Variants in AP1M2 observed in about 807,000 individuals in gnomAD.
The protein encoded by AP1M2 is AP-1 complex subunit mu-2.
In AP1M2, 41 loss-of-function variants were observed where a neutral mutation model predicts 54.6. The observed-to-expected ratio is 0.75, with a 90% CI of 0.59 to 0.97. AP1M2 has a LOEUF of 0.97. AP1M2 is among the 50% of genes least tolerant of loss of function. The probability of loss-of-function intolerance (pLI) is 0.00; values close to 1 mark genes in which losing one functional copy is unlikely to be tolerated. For missense variants in AP1M2, 507 were observed against 561.2 expected (o/e 0.90, Z 0.98); for synonymous variants, 219 against 215.9 (o/e 1.01, Z -0.13).
At chr19:10,581,437 C>A in intron 5 of AP1M2, 45 bp from the exon 6 acceptor site, 1 of 1,610,168 alleles carries the variant, frequency 6.2e-7, no homozygotes, top group Non-Finnish European at 8.5e-7. Context: ...CAAACTCCGT[C>A]TCCTGCAGCC....
intron 11 of AP1M2, 45 bp from the exon 12 acceptor site, chr19:10,573,133 G>A: frequency 2.0e-6 from 3 of 1,532,184 alleles, no homozygotes; most frequent in Non-Finnish European, 2.7e-6. Context: ...AATGGGGAGA[G>A]GGGGGCCGGG....
chr19:10,579,171 C>T, intron 7 of AP1M2, among the ~76,000 whole-genome samples: 1 of 152,012 alleles, frequency 6.6e-6, no homozygotes, highest in Non-Finnish European at 1.5e-5. Flanking sequence ...AATCCCAGCA[C>T]TTTGGGAGGC....
Position 10,581,384 on chromosome 19 carries a change from G to C in AP1M2, c.555C>G (p.Ala185=), listed in dbSNP as rs1305383977. 3.7e-6 allele frequency: 6 copies of C among 1,611,720 alleles called. No homozygotes were observed. The highest frequency in any genetic ancestry group is 5.1e-6 in the Non-Finnish European group (6 of 1,178,044). ...TTTCGCTCAGAAGGACGCTGCCGTTGGCATTGACCTGAGGGAGGACGTTGG... is the reference window on the plus strand; with the variant it reads ...TTTCGCTCAGAAGGACGCTGCCGTTCGCATTGACCTGAGGGAGGACGTTGG... ...VIESVNLLVN[A]NGSVLLSEIV... The change falls in exon 6 of 12, where the codon GCC becomes GCG. Residue 185 remains alanine (A), a synonymous_variant. Coordinates refer to ENST00000250244, the MANE Select transcript of AP1M2 (RefSeq NM_005498.5).
chr19:10,583,445 G>A lies in AP1M2; in HGVS notation c.267+161C>T, dbSNP rs151083428. 2.1e-3 allele frequency: 1,163 copies of A among 541,278 alleles called. 17 individuals carry two copies. Among genetic ancestry groups the A allele is most frequent in the African/African-American group, 0.02 (1,039 of 53,186 alleles). The allele number at this position is 541,278 out of a possible 1,614,324, so 33.5% of individuals were successfully genotyped here. On this transcript the variant is annotated intron_variant, in intron 3 of 11. Transcript: ENST00000250244. Reference sequence around the variant, plus strand: ...AATCCAGAAGTTCTAGACCAGCCTGGGCAATATAGCAAGACCCCATCTCTA... The same window carrying A: ...AATCCAGAAGTTCTAGACCAGCCTGAGCAATATAGCAAGACCCCATCTCTA...
At chr19:10,584,177 G>T in intron 1 of AP1M2, 107 bp from the exon 2 acceptor site, 1 of 1,392,598 alleles carries the variant, frequency 7.2e-7, no homozygotes, top group African/African-American at 1.4e-5. Context: ...GAGGGGCTTG[G>T]GCAAGGCTCT....
At chr19:10,574,563 G>A (rs1042706039) in intron 10 of AP1M2, 71 bp from the exon 11 acceptor site, 23 of 1,339,812 alleles carry the variant, frequency 1.7e-5, no homozygotes, top group South Asian at 1.2e-4. Context: ...AGAAAGAGAC[G>A]GCTTAGGCCA....
chr19:10,579,770 G>T lies in AP1M2; in HGVS notation c.762C>A (p.Ser254=), dbSNP rs1917372020. 6.2e-7 allele frequency: 1 copy of T among 1,614,000 alleles called. No homozygotes were observed. Among genetic ancestry groups the T allele is most frequent in the African/African-American group, 1.3e-5 (1 of 75,046 alleles). Residue 254 remains serine (S), a synonymous_variant, in exon 7 of 12, where the codon TCC becomes TCA. Coordinates refer to ENST00000250244, the MANE Select transcript of AP1M2 (RefSeq NM_005498.5). ...CAAAGTCACCATCAGGCGGGATGAA[G>T]GAGATGGTGCGGTCGTTGTCAAAGC... ...LSRFDNDRTI[S]FIPPDGDFEL...
rs951091061 is a variant in AP1M2 at position 10,572,988 on chromosome 19, C to T, written c.*78G>A. The T allele has an allele frequency of 2.0e-6, 3 of 1,471,272 alleles. No homozygotes were observed. Among genetic ancestry groups the T allele is most frequent in the Admixed American group, 2.0e-5 (1 of 50,796 alleles). The allele number at this position is 1,471,272 out of a possible 1,614,324, so 91.1% of individuals were successfully genotyped here. A position where few individuals can be genotyped will look rare whatever the true frequency, so the allele number is the denominator to read the frequency against. ...TGCCCTCACACAGACACACACAGCC[C>T]GCACCTGCCCTCCCTCTAAAATCTG... On this transcript the variant is annotated 3_prime_UTR_variant, in exon 12 of 12. Coordinates refer to ENST00000250244, the MANE Select transcript of AP1M2 (RefSeq NM_005498.5).
At chr19:10,579,007 ACT>A in intron 7 of AP1M2, 44 bp from the exon 8 acceptor site, 1 of 1,164,802 alleles carries the variant, frequency 8.6e-7, no homozygotes, top group Non-Finnish European at 1.2e-6. Flanking sequence ...CTCCATGTTG[ACT>A]CTCTTCTTTT....
In AP1M2 at chr19:10,587,254, A is replaced by G. The variant is rs1917680681; in HGVS notation, c.-23T>C. On this transcript the variant is annotated 5_prime_UTR_variant, in exon 1 of 12. Transcript: ENST00000250244. ...CATGGTGGCGGCCGAAGGACTTAGG[A>G]GTCGGGGAGGGAGCGCCGGGAGGCG... The G allele has an allele frequency of 1.3e-6, 2 of 1,560,548 alleles. No homozygotes were observed. The highest frequency in any genetic ancestry group is 1.7e-6 in the Non-Finnish European group (2 of 1,152,708).
chr19:10,576,573 A>T (rs1917242231), intron 9 of AP1M2, among the ~76,000 whole-genome samples: 1 of 149,062 alleles, frequency 6.7e-6, no homozygotes, highest in South Asian at 2.1e-4. Context: ...TAATTTTTGT[A>T]TTTTTAGTAG....
At chr19:10,573,167 C>G (rs1422515353) in intron 11 of AP1M2, 79 bp from the exon 12 acceptor site, 10 of 1,390,190 alleles carry the variant, frequency 7.2e-6, no homozygotes, top group African/African-American at 2.9e-5. Context: ...GCTTATAATC[C>G]CAGCACTTTG....
At chr19:10,586,283 G>GAAA (rs34958500) in intron 1 of AP1M2, among the ~76,000 whole-genome samples, 1 of 125,920 alleles carries the variant, frequency 7.9e-6, no homozygotes, top group Non-Finnish European at 1.7e-5. Flanking sequence ...ACTCTGTCTT[G>GAAA]AAAAAAAAAA....
At chr19:10,577,442 T>G in intron 8 of AP1M2, 86 bp from the exon 9 acceptor site, 1 of 1,194,848 alleles carries the variant, frequency 8.4e-7, no homozygotes, top group South Asian at 1.6e-5. Flanking sequence ...TTTTTTTTTT[T>G]TTTTTTTTTG....
At position 10,574,453 on chromosome 19, in the gene AP1M2, C is replaced by G. The variant is rs200362172; in HGVS notation, c.1213G>C (p.Ala405Pro). The change falls in exon 11 of 12, where the codon GCC (alanine) becomes CCC (proline). Residue 405 changes from alanine to proline, a missense_variant. By Grantham distance (27) the Ala-to-Pro change is conservative (BLOSUM62 -1). Coordinates refer to ENST00000250244, the MANE Select transcript of AP1M2 (RefSeq NM_005498.5). ...MKIIEKSGYQ[A>P]LPWVRYITQS... is the part of the protein sequence containing the mutation. The stretch of plus-strand genomic sequence containing the variant: ...GTGATGTAGCGAACCCAGGGCAGGG[C>G]CTGGTAACCACTTTTCTCAATGATC... The G allele has an allele frequency of 6.4e-7, 1 of 1,563,714 alleles. No individual in the cohort carries two copies. The highest frequency in any genetic ancestry group is 2.4e-5 in the East Asian group (1 of 42,204).
In AP1M2 at chr19:10,581,801, G is replaced by A. The variant is rs369732438; in HGVS notation, c.345C>T (p.Asp115=). ...DNFVIVYELL[D]ELMDFGFPQT... ...GCGGGAAGCCAAAGTCCATGAGCTC[G>A]TCCAGCAACTCGTAGACGATGACAA... The change falls in exon 4 of 12, where the codon GAC becomes GAT. Residue 115 remains aspartate, a synonymous_variant. Coordinates refer to ENST00000250244, the MANE Select transcript of AP1M2 (RefSeq NM_005498.5). 41 of 1,613,966 alleles carry A rather than the reference G, an allele frequency of 2.5e-5. 1 individual carries two copies. Among genetic ancestry groups the A allele is most frequent in the Non-Finnish European group, 3.1e-5 (37 of 1,180,004 alleles).
rs1456019889 is a variant in AP1M2, at chr19:10,577,224, C to T, written c.1021G>A (p.Val341Met). 2.5e-6 allele frequency: 4 copies of T among 1,612,676 alleles called. No individual in the cohort carries two copies. The highest frequency in any genetic ancestry group is 3.4e-6 in the Non-Finnish European group (4 of 1,179,394). ...SAKYVPERNV[V>M]IWSIKSFPGG... ...GGGAAAGACTTAATACTCCAAATCA[C>T]GACGTTTCTCTCCGGCACATACTTG... The change falls in exon 9 of 12, where the codon GTG becomes ATG. Residue 341 changes from valine (V) to methionine (M), a missense_variant. Val to Met is a conservative substitution (Grantham distance 21). Coordinates refer to ENST00000250244, the MANE Select transcript of AP1M2 (RefSeq NM_005498.5).
rs1431028753 is a variant in AP1M2, at chr19:10,583,922, T to C, written c.191A>G (p.Asn64Ser). The C allele has an allele frequency of 6.3e-7, 1 of 1,598,472 alleles. No individual in the cohort carries two copies. Among genetic ancestry groups the C allele is most frequent in the Non-Finnish European group, 8.5e-7 (1 of 1,172,694 alleles). ...CCACGTGGGGTGGATACAGTAGAGG[T>C]TGCTGTGTTTGATCCATAGGAAGTG... is the stretch of plus-strand genomic sequence containing the variant. ...QVHFLWIKHS[N>S]LYLVATTSKN... Residue 64 changes from asparagine to serine, a missense_variant, in exon 2 of 12, where the codon AAC (asparagine) becomes AGC (serine). Asn to Ser is a conservative substitution (Grantham distance 46, BLOSUM62 1). Coordinates refer to ENST00000250244, the MANE Select transcript of AP1M2 (RefSeq NM_005498.5).
chr19:10,573,766 A>G (rs1002840616), intron 11 of AP1M2, among the ~76,000 whole-genome samples: 16 of 145,178 alleles, frequency 1.1e-4, no homozygotes, highest in Admixed American at 6.4e-4. Flanking sequence ...GGCTCAGGCG[A>G]TCCTCCCACC....
Sources: allele counts gnomAD v4.1 joint callset (sites outside exome capture counted in the v4.1 genomes callset), GRCh38; gene constraint gnomAD v4.1.1; transcripts MANE v1.5; gene names NCBI Gene and HGNC (gene_info 2026-07-23, HGNC 2026-07-21).